PKNOX2: variants seen among roughly 807,000 people sequenced by gnomAD.
PKNOX2 encodes PBX/knotted 1 homeobox 2.
Under a neutral mutation model 53.1 loss-of-function variants are expected in PKNOX2, and 14 were observed. The ratio of observed to expected loss-of-function variants is 0.26; its 90% CI spans 0.17 to 0.41. PKNOX2 has a LOEUF of 0.41. Among genes scored for constraint, PKNOX2 ranks in the 10% least tolerant of loss-of-function variants. PKNOX2 has a pLI of 1.00. For synonymous variants in PKNOX2, 257 were observed against 242.8 expected, an observed-to-expected ratio of 1.06 and a Z score of -0.54; for missense variants, 496 against 602.8, an observed-to-expected ratio of 0.82 and a Z score of 1.85.
chr11:125,319,469 G>T (rs756150071), intron 2 of PKNOX2, among the ~76,000 whole-genome samples: 2 of 152,144 alleles, frequency 1.3e-5, no homozygotes, highest in Non-Finnish European at 2.9e-5. Context: ...TGTAAAAAAT[G>T]CAATATCTGC....
intron 6 of PKNOX2, among the ~76,000 whole-genome samples, chr11:125,387,665 G>C (rs553485257): frequency 3.3e-5 from 5 of 152,316 alleles, no homozygotes; most frequent in African/African-American, 1.2e-4. Context: ...AAGCTGCCCT[G>C]GTGGCCCCAT....
chr11:125,417,892 G>T (rs865828426), intron 10 of PKNOX2, among the ~76,000 whole-genome samples: 86 of 152,076 alleles, frequency 5.7e-4, no homozygotes, highest in East Asian at 7.7e-4. Flanking sequence ...CAGCCACAAG[G>T]AGCTGAGGGC....
At chr11:125,291,931 GA>G (rs1947329842) in intron 2 of PKNOX2, among the ~76,000 whole-genome samples, 1 of 152,170 alleles carries the variant, frequency 6.6e-6, no homozygotes, top group South Asian at 2.1e-4. Context: ...GGGAATTATT[GA>G]TTTAAAGGGT....
At chr11:125,289,109 C>T (rs1174711717) in intron 2 of PKNOX2, among the ~76,000 whole-genome samples, 1 of 152,236 alleles carries the variant, frequency 6.6e-6, no homozygotes, top group Non-Finnish European at 1.5e-5. Flanking sequence ...GTGTAGAGAT[C>T]TCCAGAGGAT....
At chr11:125,431,067 A>G in intron 12 of PKNOX2, 99 bp from the exon 13 acceptor site, 1 of 1,484,366 alleles carries the variant, frequency 6.7e-7, no homozygotes, top group Non-Finnish European at 9.0e-7. Flanking sequence ...CAAGGAGTTC[A>G]CTGCTCTATG....
At chr11:125,404,601 GCACACACACAAACACACACATCA>G (rs1369066626) in intron 7 of PKNOX2, among the ~76,000 whole-genome samples, 2 of 151,508 alleles carry the variant, frequency 1.3e-5, no homozygotes, top group South Asian at 4.2e-4. Context: ...ATTTGCGCGG[GCACACACACAAACACACACATCA>G]CACACACACA....
chr11:125,385,949 C>A (rs945835674), intron 6 of PKNOX2, among the ~76,000 whole-genome samples: 4 of 152,180 alleles, frequency 2.6e-5, no homozygotes, highest in Admixed American at 6.5e-5. Flanking sequence ...CCCATCTATG[C>A]CCAGGGTGGC....
intron 5 of PKNOX2, 118 bp downstream of exon 5, chr11:125,368,103 T>G: frequency 1.6e-6 from 2 of 1,277,810 alleles, no homozygotes; most frequent in South Asian, 1.5e-5. Flanking sequence ...CCAATAGCTA[T>G]TCTCCCTTGG....
rs916724542 is a variant in PKNOX2, at chr11:125,333,296, T to G, written c.-23+1371T>G. Among the ~76,000 whole-genome samples, 3 of 152,166 alleles carry G rather than the reference T, an allele frequency of 2.0e-5. No individual in the cohort carries two copies. The East Asian group carries it at 5.8e-4, about 29-fold the overall frequency. On this transcript the variant is annotated intron_variant, in intron 3 of 12. Transcript: ENST00000298282. ...TGAGGCTCTTCCTGCTGAACTCTCCTGTAGAGTCCTATTTCTCTGCAGGCT... is the reference window on the plus strand; with the variant it reads ...TGAGGCTCTTCCTGCTGAACTCTCCGGTAGAGTCCTATTTCTCTGCAGGCT...
chr11:125,396,582 A>T (rs530724857), intron 6 of PKNOX2, among the ~76,000 whole-genome samples: 1,709 of 61,656 alleles, frequency 0.028, 30 homozygotes, highest in African/African-American at 0.14. Flanking sequence ...GAAACTTTTA[A>T]AAAAAAAAAA....
intron 10 of PKNOX2, among the ~76,000 whole-genome samples, chr11:125,425,128 C>T (rs1956346456): frequency 1.3e-5 from 2 of 152,176 alleles, no homozygotes; most frequent in African/African-American, 4.8e-5. Flanking sequence ...ACAGGCTTAC[C>T]CTGCACTATC....
At chr11:125,276,121 T>G (rs944274688) in intron 2 of PKNOX2, among the ~76,000 whole-genome samples, 9 of 152,160 alleles carry the variant, frequency 5.9e-5, no homozygotes, top group Non-Finnish European at 1.3e-4. Context: ...CAAATGCTGC[T>G]GGGAAGTCAA....
chr11:125,218,913 C>G (rs1940840959), intron 1 of PKNOX2, among the ~76,000 whole-genome samples: 1 of 152,174 alleles, frequency 6.6e-6, no homozygotes, highest in Non-Finnish European at 1.5e-5. Context: ...CAGGTTCTTT[C>G]TCTGTCATCC....
At chr11:125,262,113 A>G (rs1011528165) in intron 2 of PKNOX2, among the ~76,000 whole-genome samples, 16 of 152,108 alleles carry the variant, frequency 1.1e-4, no homozygotes, top group Non-Finnish European at 2.2e-4. Context: ...ACTGGAGGGG[A>G]GAAGTGGGCC....
At chr11:125,420,313 G>A (rs1956107439) in intron 10 of PKNOX2, among the ~76,000 whole-genome samples, 1 of 151,596 alleles carries the variant, frequency 6.6e-6, no homozygotes, top group Non-Finnish European at 1.5e-5. Flanking sequence ...AGATCATGAG[G>A]TCAGGAGATC....
At chr11:125,176,040 G>C (rs1955684343) in intron 1 of PKNOX2, among the ~76,000 whole-genome samples, 1 of 152,178 alleles carries the variant, frequency 6.6e-6, no homozygotes, top group African/African-American at 2.4e-5. Context: ...GTGATTCAAA[G>C]CTGGCAGGGT....
intron 1 of PKNOX2, among the ~76,000 whole-genome samples, chr11:125,172,751 C>T (rs930073830): frequency 2.6e-5 from 4 of 152,152 alleles, no homozygotes; most frequent in South Asian, 4.1e-4. Flanking sequence ...CCACCGCCAC[C>T]GCCACAAATC....
intron 4 of PKNOX2, among the ~76,000 whole-genome samples, chr11:125,358,847 A>G (rs1215397923): frequency 1.3e-5 from 2 of 152,232 alleles, no homozygotes; most frequent in Non-Finnish European, 2.9e-5. Context: ...AACATGTGGG[A>G]GTACACTGCG....
intron 2 of PKNOX2, among the ~76,000 whole-genome samples, chr11:125,256,154 A>C (rs1415133179): frequency 6.6e-6 from 1 of 151,978 alleles, no homozygotes; most frequent in Non-Finnish European, 1.5e-5. Flanking sequence ...AGCCACAGAA[A>C]ATATTTTATT....
Sources: gnomAD v4.1 joint callset for allele counts (sites outside exome capture counted in the v4.1 genomes callset) on GRCh38, gnomAD v4.1.1 for gene constraint, MANE v1.5 for transcripts, NCBI Gene and HGNC (gene_info 2026-07-23, HGNC 2026-07-21) for gene names.